Variants in SV2C observed in about 807,000 individuals in gnomAD.
SV2C encodes the protein solute carrier family 22 member B3.
In SV2C, 49 loss-of-function variants were observed where a neutral mutation model predicts 79.7. That is an observed-to-expected ratio of 0.61 (90% CI 0.49 to 0.78). SV2C has a LOEUF of 0.78. Among genes scored for constraint, SV2C ranks in the 30% least tolerant of loss-of-function variants. SV2C has a pLI of 0.00. For synonymous variants in SV2C, 334 were observed against 333.2 expected (o/e 1.00, Z -0.03); for missense variants, 833 against 912.9 (o/e 0.91, Z 1.13).
chr5:76,312,154 T>C (rs570517727), intron 12 of SV2C, among the ~76,000 whole-genome samples: 2 of 151,934 alleles, frequency 1.3e-5, no homozygotes, highest in Admixed American at 1.3e-4. Context: ...TTGGCCTTTA[T>C]GTTTCTCTGC....
rs764450772 is a variant in SV2C at position 76,132,112 on chromosome 5, G to A, written c.362G>A (p.Arg121Gln). The change falls in exon 2 of 13, where the codon CGG (arginine) becomes CAG (glutamine). Residue 121 changes from arginine to glutamine, a missense_variant. Physicochemically the swap from Arg to Gln is conservative, Grantham distance 43. Coordinates refer to ENST00000502798, the MANE Select transcript of SV2C (RefSeq NM_014979.4). ...QPKGDEYKDR[R>Q]ELESERRADE... is the part of the protein sequence containing the mutation. ...AAGGGCGATGAGTACAAGGACCGGC[G>A]GGAGCTGGAATCAGAAAGGAGAGCT... The A allele has an allele frequency of 8.1e-6, 13 of 1,613,908 alleles. No individual in the cohort carries two copies. The highest frequency in any genetic ancestry group is 4.4e-5 in the South Asian group (4 of 91,070).
chr5:75,892,887 G>C, the SV2C span, among the ~76,000 whole-genome samples: 1 of 152,050 alleles, frequency 6.6e-6, no homozygotes, highest in Non-Finnish European at 1.5e-5. Flanking sequence ...ATGAACATAT[G>C]AGTGCATGTG....
intron 1 of SV2C, among the ~76,000 whole-genome samples, chr5:76,102,858 G>GATTATCACCAATGATATCACCAA (rs1747790556): frequency 6.6e-6 from 1 of 152,156 alleles, no homozygotes; most frequent in Non-Finnish European, 1.5e-5. Context: ...TTTCATTGAT[G>GATTATCACCAATGATATCACCAA]TGCTTCTGTG....
At chr5:76,240,508 G>C (rs1328227611) in intron 4 of SV2C, among the ~76,000 whole-genome samples, 2 of 152,190 alleles carry the variant, frequency 1.3e-5, no homozygotes, top group South Asian at 2.1e-4. Flanking sequence ...TCAACTAAAA[G>C]ACAACAGAAG....
At chr5:75,872,739 C>T in the SV2C span, among the ~76,000 whole-genome samples, 11 of 151,722 alleles carry the variant, frequency 7.3e-5, no homozygotes, top group Admixed American at 1.3e-4. Flanking sequence ...TGAATATAAA[C>T]GTGAATATTT....
intron 1 of SV2C, among the ~76,000 whole-genome samples, chr5:76,102,112 T>C (rs954080592): frequency 6.6e-6 from 1 of 152,208 alleles, no homozygotes; most frequent in Non-Finnish European, 1.5e-5. Flanking sequence ...AAAAGCACCA[T>C]GTCTGTTCTT....
the SV2C span, among the ~76,000 whole-genome samples, chr5:75,968,961 A>G: frequency 6.6e-6 from 1 of 152,230 alleles, no homozygotes; most frequent in Non-Finnish European, 1.5e-5. Context: ...GGCCCATCAG[A>G]CTAACAGCTG....
At chr5:76,166,468 C>A (rs981138750) in intron 2 of SV2C, among the ~76,000 whole-genome samples, 7 of 152,156 alleles carry the variant, frequency 4.6e-5, no homozygotes, top group Admixed American at 4.6e-4. Context: ...ATAAAAGCTA[C>A]CTTTGTAGAA....
Position 76,132,219 on chromosome 5 carries a change from G to A in SV2C, c.469G>A (p.Val157Ile), listed in dbSNP as rs528331991. ...HGRFQWALFF[V>I]LGMALMADGV... The stretch of plus-strand genomic sequence containing the variant: ...TCGTTTTCAGTGGGCCCTTTTCTTC[G>A]TCCTGGGCATGGCTCTTATGGCAGA... Residue 157 changes from valine to isoleucine, a missense_variant, in exon 2 of 13, where the codon GTC (valine) becomes ATC (isoleucine). Transcript: ENST00000502798. 5.9e-5 allele frequency: 96 copies of A among 1,614,108 alleles called. No homozygotes were observed. The South Asian group carries it at 8.5e-4, about 14-fold the overall frequency.
chr5:76,074,471 A>C, the SV2C span, among the ~76,000 whole-genome samples: 1 of 152,190 alleles, frequency 6.6e-6, no homozygotes, highest in African/African-American at 2.4e-5. Flanking sequence ...CAACATAGAG[A>C]GATTCAGTTA....
rs1448781036 is a variant in SV2C, at chr5:76,326,231, G to C, written c.*684G>C. 1.3e-5 allele frequency: 2 copies of C among 152,216 alleles called. No individual in the cohort carries two copies. The highest frequency in any genetic ancestry group is 6.5e-5 in the Admixed American group (1 of 15,286). 9.4% of individuals were successfully genotyped at this position (152,216 alleles called of 1,614,324 possible). On this transcript the variant is annotated 3_prime_UTR_variant, in exon 13 of 13. Coordinates refer to ENST00000502798, the MANE Select transcript of SV2C (RefSeq NM_014979.4). ...GAAAGCCCAATTAAACCTCTGAAAA[G>C]TGTGAGGAAAAAGAACTGTAACAGT...
the SV2C span, among the ~76,000 whole-genome samples, chr5:75,902,060 C>G: frequency 3.3e-5 from 5 of 152,184 alleles, no homozygotes; most frequent in African/African-American, 1.2e-4. Context: ...CAATGCCTCA[C>G]CCTGCTTCAG....
At chr5:76,048,082 C>T in the SV2C span, among the ~76,000 whole-genome samples, 656 of 152,200 alleles carry the variant, frequency 4.3e-3, 8 homozygotes, top group East Asian at 0.049. Context: ...ATATATACTT[C>T]AAAATATCAT....
the SV2C span, among the ~76,000 whole-genome samples, chr5:75,865,526 G>C: frequency 1.3e-5 from 2 of 152,198 alleles, no homozygotes; most frequent in East Asian, 3.9e-4. Flanking sequence ...TGTAGAAGAA[G>C]AATCTTCCCC....
Position 76,328,694 on chromosome 5 carries a change from G to T in SV2C, c.*3147G>T, listed in dbSNP as rs1749081809. On this transcript the variant is annotated 3_prime_UTR_variant, in exon 13 of 13. Coordinates refer to ENST00000502798, the MANE Select transcript of SV2C (RefSeq NM_014979.4). Reference sequence around the variant, plus strand: ...CAAAATAAAGGATTGGGACTAGTCTGCTCTCCACTCTCCAGCATTGTAGAA... The same window carrying T: ...CAAAATAAAGGATTGGGACTAGTCTTCTCTCCACTCTCCAGCATTGTAGAA... 6.6e-6 allele frequency: 1 copy of T among 152,040 alleles called. No individual in the cohort carries two copies. The highest frequency in any genetic ancestry group is 1.5e-5 in the Non-Finnish European group (1 of 68,018). The allele number at this position is 152,040 out of a possible 1,614,324, so 9.4% of individuals were successfully genotyped here. A position where few individuals can be genotyped will look rare whatever the true frequency, so the allele number is the denominator to read the frequency against.
chr5:76,268,768 T>A (rs1055150677), intron 4 of SV2C, among the ~76,000 whole-genome samples: 1 of 152,200 alleles, frequency 6.6e-6, no homozygotes, highest in Non-Finnish European at 1.5e-5. Flanking sequence ...ACTCTTTCAT[T>A]GTGTGTCACC....
intron 12 of SV2C, among the ~76,000 whole-genome samples, chr5:76,339,632 T>A (rs1372047590): frequency 1.3e-5 from 2 of 150,012 alleles, no homozygotes; most frequent in African/African-American, 4.9e-5. Context: ...GAGAATGGCG[T>A]GAACCTGGGA....
rs751501785 is a variant in SV2C at position 76,132,316 on chromosome 5, G to A, written c.566G>A (p.Gly189Glu). The A allele has an allele frequency of 1.2e-5, 19 of 1,610,752 alleles. No individual in the cohort carries two copies. In the South Asian group the frequency reaches 1.9e-4, roughly 16 times the overall value. Reference protein sequence around the residue: ...AETDLCIPNSGSGWLGSIVYL... With the variant: ...AETDLCIPNSESGWLGSIVYL... ...ACAGACCTCTGCATCCCAAATTCAG[G>A]ATCTGGATGGCTAGGTGAGTGTGTG... The change falls in exon 2 of 13, where the codon GGA becomes GAA. Residue 189 changes from glycine to glutamate, a missense_variant. Gly to Glu is a moderately conservative substitution (Grantham distance 98). Coordinates refer to ENST00000502798, the MANE Select transcript of SV2C (RefSeq NM_014979.4).
At chr5:76,224,017 A>G (rs1745168380) in intron 4 of SV2C, among the ~76,000 whole-genome samples, 1 of 152,030 alleles carries the variant, frequency 6.6e-6, no homozygotes, top group Non-Finnish European at 1.5e-5. Context: ...TTTAACCTTA[A>G]TTACCTCCCA....
Sources: gnomAD v4.1 joint callset for allele counts (sites outside exome capture counted in the v4.1 genomes callset) on GRCh38, gnomAD v4.1.1 for gene constraint, MANE v1.5 for transcripts, NCBI Gene and HGNC (gene_info 2026-07-23, HGNC 2026-07-21) for gene names.